Variants in ALMS1 observed in about 807,000 individuals in gnomAD.
The protein encoded by ALMS1 is centrosome-associated protein ALMS1.
In ALMS1, 271 loss-of-function variants were observed where a neutral mutation model predicts 352.2. The observed-to-expected ratio is 0.77, with a 90% CI of 0.70 to 0.85. The LOEUF (loss-of-function observed/expected upper bound fraction) is 0.85, where lower values mean the gene tolerates loss of function less well. Ranked by LOEUF, ALMS1 falls within the 40% of genes least tolerant of loss-of-function variation. ALMS1 has a pLI of 0.00. For missense variants in ALMS1, 5,445 were observed against 4,870.7 expected (o/e 1.12, Z -3.51); for synonymous variants, 1,865 against 1,761.2 (o/e 1.06, Z -1.48).
At chr2:73,414,288 T>G (rs1671136545) in intron 2 of ALMS1, among the ~76,000 whole-genome samples, 1 of 152,130 alleles carries the variant, frequency 6.6e-6, no homozygotes, top group Non-Finnish European at 1.5e-5. Context: ...CTATTATTCA[T>G]TATAAGTGTA....
At chr2:73,592,525 G>A (rs913325353) in intron 16 of ALMS1, among the ~76,000 whole-genome samples, 1 of 152,140 alleles carries the variant, frequency 6.6e-6, no homozygotes, top group Non-Finnish European at 1.5e-5. Context: ...ATCAATGTGT[G>A]TCTCTGGTCC....
At chr2:73,536,938 A>G (rs1469255359) in intron 12 of ALMS1, among the ~76,000 whole-genome samples, 1 of 152,234 alleles carries the variant, frequency 6.6e-6, no homozygotes, top group Non-Finnish European at 1.5e-5. Context: ...ACCTCAGCTC[A>G]GTGATAGCCT....
intron 21 of ALMS1, among the ~76,000 whole-genome samples, chr2:73,604,975 A>G (rs1199794448): frequency 1.3e-5 from 2 of 152,208 alleles, no homozygotes; most frequent in Non-Finnish European, 2.9e-5. Context: ...GTACACGGGA[A>G]GCACTTCCTT....
intron 7 of ALMS1, among the ~76,000 whole-genome samples, chr2:73,441,822 G>T (rs1247297953): frequency 2.0e-5 from 3 of 152,020 alleles, no homozygotes; most frequent in South Asian, 2.1e-4. Context: ...GGAGGGAAAA[G>T]CAAATTTATA....
chr2:73,477,239 ACT>A (rs1474691553), intron 9 of ALMS1, among the ~76,000 whole-genome samples: 2 of 151,860 alleles, frequency 1.3e-5, no homozygotes, highest in African/African-American at 4.8e-5. Flanking sequence ...TGTTGAAAAG[ACT>A]CTTCTTTCCC....
At chr2:73,392,803 A>G (rs1242911574) in intron 1 of ALMS1, among the ~76,000 whole-genome samples, 2 of 152,114 alleles carry the variant, frequency 1.3e-5, no homozygotes, top group East Asian at 3.9e-4. Context: ...ATGCTACCGT[A>G]GACATTCTTA....
At chr2:73,468,972 A>G (rs1345807572) in intron 9 of ALMS1, among the ~76,000 whole-genome samples, 1 of 151,856 alleles carries the variant, frequency 6.6e-6, no homozygotes, top group Non-Finnish European at 1.5e-5. Context: ...TCCTAAAGGA[A>G]ACTCTCTTAG....
In ALMS1 at chr2:73,453,606, G is replaced by C. The variant is rs1402057300; in HGVS notation, c.7079G>C (p.Arg2360Thr). The C allele has an allele frequency of 1.9e-6, 3 of 1,613,892 alleles. No individual in the cohort carries two copies. Among genetic ancestry groups the C allele is most frequent in the African/African-American group, 1.3e-5 (1 of 74,884 alleles). Residue 2360 changes from arginine (R) to threonine (T), a missense_variant, in exon 8 of 23, where the codon AGA (arginine) becomes ACA (threonine). Physicochemically the swap from Arg to Thr is moderately conservative, Grantham distance 71. Coordinates refer to ENST00000613296, the MANE Select transcript of ALMS1 (RefSeq NM_001378454.1). Reference protein sequence around the residue: ...NWEFISSTTVRSPLQEAESKV... With the variant: ...NWEFISSTTVTSPLQEAESKV... ...GAGTTTATTAGTTCAACTACAGTTA[G>C]AAGTCCTCTACAGGAAGCAGAGAGC...
chr2:73,524,809 A>G (rs1248529638), intron 11 of ALMS1, among the ~76,000 whole-genome samples: 1 of 152,158 alleles, frequency 6.6e-6, no homozygotes, highest in Non-Finnish European at 1.5e-5. Context: ...CTGTTGTGCT[A>G]TCAAATACTA....
In ALMS1 at chr2:73,438,096, C is replaced by T. The variant is rs924318909; in HGVS notation, c.1432+5805C>T. On this transcript the variant is annotated intron_variant, in intron 7 of 22. Transcript: ENST00000613296. ...TGAGTATATGTGACTAATAAACTAC[C>T]GTCAGTCTCCTCTGTGCAGTGTTGT... is the stretch of plus-strand genomic sequence containing the variant. 4.6e-5 allele frequency among the ~76,000 whole-genome samples: 7 copies of T among 152,098 alleles called. No individual in the cohort carries two copies. The South Asian group carries it at 8.3e-4, about 18-fold the overall frequency.
chr2:73,582,595 T>C (rs1675210431), intron 16 of ALMS1, among the ~76,000 whole-genome samples: 1 of 152,250 alleles, frequency 6.6e-6, no homozygotes, highest in East Asian at 1.9e-4. Context: ...TTACCTTAGA[T>C]ACCTCATATG....
At chr2:73,400,255 T>A (rs1376618165) in intron 1 of ALMS1, among the ~76,000 whole-genome samples, 1 of 152,214 alleles carries the variant, frequency 6.6e-6, no homozygotes, top group Admixed American at 6.5e-5. Flanking sequence ...CTTAACTGAC[T>A]TTTGAATGTT....
intron 9 of ALMS1, among the ~76,000 whole-genome samples, chr2:73,474,528 G>T (rs543860692): frequency 2.2e-4 from 34 of 152,118 alleles, no homozygotes; most frequent in Middle Eastern, 3.4e-3. Flanking sequence ...AGGCTGGAGT[G>T]TAGTGGCTGG....
intron 13 of ALMS1, among the ~76,000 whole-genome samples, chr2:73,552,825 C>CAT (rs1217845089): frequency 6.6e-6 from 1 of 151,986 alleles, no homozygotes; most frequent in Non-Finnish European, 1.5e-5. Flanking sequence ...AATATCATAT[C>CAT]ATAAGTAAAA....
At chr2:73,445,772 G>C (rs1219605145) in intron 7 of ALMS1, among the ~76,000 whole-genome samples, 2 of 62,406 alleles carry the variant, frequency 3.2e-5, no homozygotes, top group African/African-American at 1.3e-4. Context: ...TACAACTTTG[G>C]TGTAGTATAG....
rs368075026 is a variant in ALMS1 at position 73,564,899 on chromosome 2, T to A, written c.10384+5757T>A. 2.0e-5 allele frequency among the ~76,000 whole-genome samples: 3 copies of A among 152,352 alleles called. No individual in the cohort carries two copies. In the East Asian group the frequency reaches 5.8e-4, roughly 29 times the overall value. ...CAGAATTTATAACCACAAACTAGTG[T>A]TCACACAGATTTACAGTCATTAATT... On this transcript the variant is annotated intron_variant, in intron 15 of 22. Coordinates refer to ENST00000613296, the MANE Select transcript of ALMS1 (RefSeq NM_001378454.1).
intron 3 of ALMS1, among the ~76,000 whole-genome samples, chr2:73,421,123 A>T (rs1201506410): frequency 6.6e-6 from 1 of 152,156 alleles, no homozygotes; most frequent in Non-Finnish European, 1.5e-5. Flanking sequence ...ATGTGATTTA[A>T]CTGTCCAACT....
intron 10 of ALMS1, among the ~76,000 whole-genome samples, chr2:73,519,126 T>C (rs961833188): frequency 7.9e-5 from 12 of 152,206 alleles, no homozygotes; most frequent in African/African-American, 2.9e-4. Context: ...AGTTACTATT[T>C]CTTCCTTCTT....
At chr2:73,525,022 T>C (rs992439761) in intron 11 of ALMS1, among the ~76,000 whole-genome samples, 1 of 152,144 alleles carries the variant, frequency 6.6e-6, no homozygotes, top group Non-Finnish European at 1.5e-5. Flanking sequence ...TTATTTCACT[T>C]TATATAATAA....
Sources: allele counts gnomAD v4.1 joint callset (sites outside exome capture counted in the v4.1 genomes callset), GRCh38; gene constraint gnomAD v4.1.1; transcripts MANE v1.5; gene names NCBI Gene and HGNC (gene_info 2026-07-23, HGNC 2026-07-21).